SPPL3: variants seen among roughly 807,000 people sequenced by gnomAD.
SPPL3 encodes the protein signal peptide peptidase like 3.
Under a neutral mutation model 42.4 loss-of-function variants are expected in SPPL3, and 5 were observed. That is an observed-to-expected ratio of 0.12 (90% CI 0.06 to 0.25). SPPL3 has a LOEUF of 0.25. Ranked by LOEUF, SPPL3 falls within the 10% of genes least tolerant of loss-of-function variation. The probability of loss-of-function intolerance (pLI) is 1.00; values close to 1 mark genes in which losing one functional copy is unlikely to be tolerated. For synonymous variants in SPPL3, 195 were observed against 181.8 expected, an observed-to-expected ratio of 1.07 and a Z score of -0.58; for missense variants, 235 against 489.0, an observed-to-expected ratio of 0.48 and a Z score of 4.90.
chr12:120,836,550 C>A (rs1871627235), intron 1 of SPPL3, among the ~76,000 whole-genome samples: 1 of 116,040 alleles, frequency 8.6e-6, no homozygotes, highest in Non-Finnish European at 1.9e-5. Flanking sequence ...CAAAACCATC[C>A]CAACTGAGCC....
In SPPL3 at chr12:120,810,828, T is replaced by C. The variant is rs746850144; in HGVS notation, c.82A>G (p.Ile28Val). Residue 28 changes from isoleucine (I) to valine (V), a missense_variant, in exon 2 of 11, where the codon ATA becomes GTA. Coordinates refer to ENST00000353487, the MANE Select transcript of SPPL3 (RefSeq NM_139015.5). Reference protein sequence around the residue: ...VSTFLISILLIVYGSFRSLNM... With the variant: ...VSTFLISILLVVYGSFRSLNM... ...TCTTACCTGAAACTACCATAGACTA[T>C]AAGAAGAATGGAAATCAGAAATGTA... 1.2e-6 allele frequency: 2 copies of C among 1,612,276 alleles called. No homozygotes were observed. The highest frequency in any genetic ancestry group is 2.2e-5 in the East Asian group (1 of 44,802).
intron 1 of SPPL3, among the ~76,000 whole-genome samples, chr12:120,892,020 A>G (rs998567898): frequency 2.6e-5 from 4 of 152,182 alleles, no homozygotes; most frequent in East Asian, 1.9e-4. Context: ...AAATTTGGAC[A>G]TAACACTTGA....
intron 1 of SPPL3, among the ~76,000 whole-genome samples, chr12:120,899,579 C>G (rs1254416855): frequency 6.6e-6 from 1 of 151,978 alleles, no homozygotes; most frequent in Non-Finnish European, 1.5e-5. Context: ...ATTATGCAGA[C>G]AGAACTGTAA....
At chr12:120,888,336 A>C (rs1283699689) in intron 1 of SPPL3, among the ~76,000 whole-genome samples, 3 of 152,128 alleles carry the variant, frequency 2.0e-5, no homozygotes, top group African/African-American at 7.2e-5. Flanking sequence ...TCAGCCTTTC[A>C]AAGTGCTGGG....
At chr12:120,820,817 G>A (rs1592979070) in intron 1 of SPPL3, among the ~76,000 whole-genome samples, 1 of 151,640 alleles carries the variant, frequency 6.6e-6, no homozygotes, top group East Asian at 2.0e-4. Flanking sequence ...TTAAGGCTGG[G>A]CGCAGTGGCT....
chr12:120,893,654 T>C (rs2137068165), intron 1 of SPPL3, among the ~76,000 whole-genome samples: 1 of 152,286 alleles, frequency 6.6e-6, no homozygotes, highest in East Asian at 1.9e-4. Flanking sequence ...ATAGCCTGCT[T>C]TTTCTTCATT....
chr12:120,898,076 C>T (rs569742928), intron 1 of SPPL3, among the ~76,000 whole-genome samples: 113 of 152,040 alleles, frequency 7.4e-4, no homozygotes, highest in South Asian at 2.1e-3. Flanking sequence ...CTTTGGGAGG[C>T]CGAGGTGGGT....
At chr12:120,794,314 T>G (rs1020589953) in intron 2 of SPPL3, among the ~76,000 whole-genome samples, 4 of 152,190 alleles carry the variant, frequency 2.6e-5, no homozygotes, top group Non-Finnish European at 5.9e-5. Flanking sequence ...GGGATTAACC[T>G]TTTTTGGCTT....
At chr12:120,898,938 A>G (rs1163783805) in intron 1 of SPPL3, among the ~76,000 whole-genome samples, 1 of 152,242 alleles carries the variant, frequency 6.6e-6, no homozygotes, top group Non-Finnish European at 1.5e-5. Flanking sequence ...AGTAATGTTG[A>G]GCAGGGGTTC....
chr12:120,791,352 T>C lies in SPPL3; in HGVS notation c.190+117A>G, dbSNP rs543789941. ...TTCACTCATTTTAAGTATAATTCAATGTTTTTTTATACCAATCATAAATCC... is the reference window on the plus strand; with the variant it reads ...TTCACTCATTTTAAGTATAATTCAACGTTTTTTTATACCAATCATAAATCC... On this transcript the variant is annotated intron_variant, in intron 3 of 10. Coordinates refer to ENST00000353487, the MANE Select transcript of SPPL3 (RefSeq NM_139015.5). 2.0e-5 allele frequency: 13 copies of C among 638,502 alleles called. No individual in the cohort carries two copies. The South Asian group carries it at 2.1e-4, about 10-fold the overall frequency. 39.6% of individuals were successfully genotyped at this position (638,502 alleles called of 1,614,324 possible).
chr12:120,883,743 A>T (rs1873362426), intron 1 of SPPL3, among the ~76,000 whole-genome samples: 1 of 152,256 alleles, frequency 6.6e-6, no homozygotes, highest in Non-Finnish European at 1.5e-5. Flanking sequence ...AAAAGACAAT[A>T]TATGTCATCT....
chr12:120,765,146 A>AG (rs1868837490), intron 10 of SPPL3, 76 bp from the exon 11 acceptor site: 1 of 1,485,274 alleles, frequency 6.7e-7, no homozygotes, highest in East Asian at 2.4e-5. Flanking sequence ...TTAAAAAAAA[A>AG]AAATTTTTTT....
intron 1 of SPPL3, among the ~76,000 whole-genome samples, chr12:120,851,200 A>G (rs1219692176): frequency 6.6e-6 from 1 of 152,210 alleles, no homozygotes; most frequent in East Asian, 1.9e-4. Context: ...CCACAGTGAT[A>G]TAGTCAAAAA....
At chr12:120,903,736 C>T in intron 1 of SPPL3, 109 bp downstream of exon 1, 1 of 646,324 alleles carries the variant, frequency 1.5e-6, no homozygotes. Context: ...ACCCGCGCCC[C>T]CCCCCCACGA....
chr12:120,859,752 T>C (rs1315375149), intron 1 of SPPL3, among the ~76,000 whole-genome samples: 2 of 152,070 alleles, frequency 1.3e-5, no homozygotes, highest in African/African-American at 2.4e-5. Flanking sequence ...GAAGCCAGCC[T>C]GGCCAACATG....
chr12:120,858,328 C>T lies in SPPL3; in HGVS notation c.23+45517G>A, dbSNP rs147587983. Among the ~76,000 whole-genome samples, 52 of 152,048 alleles carry T rather than the reference C, an allele frequency of 3.4e-4. No individual in the cohort carries two copies. The East Asian group carries it at 7.7e-3, about 23-fold the overall frequency. On this transcript the variant is annotated intron_variant, in intron 1 of 10. Coordinates refer to ENST00000353487, the MANE Select transcript of SPPL3 (RefSeq NM_139015.5). ...TACAAAACTTAGCCAGGTGTGATGGCGGGCGCCTGTAATCCCAGCTACTCA... is the reference window on the plus strand; with the variant it reads ...TACAAAACTTAGCCAGGTGTGATGGTGGGCGCCTGTAATCCCAGCTACTCA...
chr12:120,840,899 C>T (rs1871801637), intron 1 of SPPL3, among the ~76,000 whole-genome samples: 1 of 151,970 alleles, frequency 6.6e-6, no homozygotes, highest in East Asian at 1.9e-4. Flanking sequence ...AAGATTGTGC[C>T]ACTGCACTCC....
chr12:120,898,092 G>A (rs535010275), intron 1 of SPPL3, among the ~76,000 whole-genome samples: 2 of 151,948 alleles, frequency 1.3e-5, no homozygotes, highest in East Asian at 3.9e-4. Flanking sequence ...TGGGTGGATT[G>A]CTTGAAGTCA....
At chr12:120,795,663 A>G (rs530162) in intron 2 of SPPL3, among the ~76,000 whole-genome samples, 14,977 of 151,174 alleles carry the variant, frequency 0.099, 1,602 homozygotes, top group African/African-American at 0.27. Context: ...TTTACCACTC[A>G]TTTTGAGCTA....
Sources: gnomAD v4.1 joint callset for allele counts (sites outside exome capture counted in the v4.1 genomes callset) on GRCh38, gnomAD v4.1.1 for gene constraint, MANE v1.5 for transcripts, NCBI Gene and HGNC (gene_info 2026-07-23, HGNC 2026-07-21) for gene names.